Variants in NXPH2 observed in about 807,000 individuals in gnomAD.
NXPH2 encodes the protein neurexophilin-2.
A neutral mutation model predicts 19.8 loss-of-function variants in NXPH2; 5 were observed. The observed-to-expected ratio is 0.25, with a 90% CI of 0.13 to 0.53. The LOEUF (loss-of-function observed/expected upper bound fraction) is 0.53. NXPH2 is among the 20% of genes least tolerant of loss of function. The pLI, the probability that NXPH2 is intolerant of heterozygous loss-of-function variation, is 0.96. For synonymous variants in NXPH2, 154 were observed against 127.4 expected (o/e 1.21, Z -1.41); for missense variants, 289 against 322.8 (o/e 0.90, Z 0.80).
intron 1 of NXPH2, among the ~76,000 whole-genome samples, chr2:138,779,721 G>T (rs1682321073): frequency 1.3e-5 from 2 of 152,172 alleles, no homozygotes; most frequent in African/African-American, 4.8e-5. Context: ...CTGGCTCTGA[G>T]AACGAGGATG....
intron 1 of NXPH2, among the ~76,000 whole-genome samples, chr2:138,675,344 A>G (rs1680470959): frequency 6.6e-6 from 1 of 152,138 alleles, no homozygotes; most frequent in Admixed American, 6.5e-5. Flanking sequence ...CATTACTGAT[A>G]AACTCATAAA....
At position 138,670,929 on chromosome 2, in the gene NXPH2, G is replaced by A. The variant is rs1367360143; in HGVS notation, c.788C>T (p.Ser263Phe). Residue 263 changes from serine (S) to phenylalanine (F), a missense_variant, in exon 2 of 2, where the codon TCT becomes TTT. Coordinates refer to ENST00000272641, the MANE Select transcript of NXPH2 (RefSeq NM_007226.3). ...TCCACCACAGCAGGAAGATCAGCCA[G>A]AAGATAAGTATGGGGTCTCACTATG... ...NYHSETPYLS[S>F]G The A allele has an allele frequency of 6.2e-7, 1 of 1,610,800 alleles. No individual in the cohort carries two copies. The highest frequency in any genetic ancestry group is 1.7e-5 in the Admixed American group (1 of 59,912).
chr2:138,772,512 G>T (rs1682195747), intron 1 of NXPH2, among the ~76,000 whole-genome samples: 1 of 152,150 alleles, frequency 6.6e-6, no homozygotes, highest in Admixed American at 6.5e-5. Flanking sequence ...GGTCAAGCTG[G>T]TCTCGAACTC....
chr2:138,757,069 C>T (rs1681920691), intron 1 of NXPH2, among the ~76,000 whole-genome samples: 1 of 152,098 alleles, frequency 6.6e-6, no homozygotes, highest in African/African-American at 2.4e-5. Flanking sequence ...TGCAAGGCTA[C>T]CTGAGAAAGG....
At chr2:138,713,940 C>G (rs894507185) in intron 1 of NXPH2, among the ~76,000 whole-genome samples, 1 of 148,836 alleles carries the variant, frequency 6.7e-6, no homozygotes, top group Admixed American at 6.8e-5. Flanking sequence ...GCACCACTCA[C>G]AAGTTATGTA....
chr2:138,730,523 C>T (rs749878457), intron 1 of NXPH2, among the ~76,000 whole-genome samples: 7 of 152,006 alleles, frequency 4.6e-5, no homozygotes, highest in Non-Finnish European at 7.4e-5. Flanking sequence ...CTCTTGAGGC[C>T]CTGAGCTGCT....
intron 1 of NXPH2, among the ~76,000 whole-genome samples, chr2:138,717,291 G>A (rs1032528898): frequency 1.6e-4 from 24 of 152,150 alleles, no homozygotes; most frequent in African/African-American, 5.8e-4. Context: ...GAATCACCTG[G>A]AGAACGTTTA....
intron 1 of NXPH2, among the ~76,000 whole-genome samples, chr2:138,681,035 G>T (rs979426022): frequency 1.3e-5 from 2 of 152,158 alleles, no homozygotes; most frequent in Non-Finnish European, 2.9e-5. Context: ...CAGCAGGCCT[G>T]GCCTTTCACC....
rs1286598283 is a variant in NXPH2, at chr2:138,688,616, A to G, written c.52-16951T>C. Among the ~76,000 whole-genome samples, 4 of 152,312 alleles carry G rather than the reference A, an allele frequency of 2.6e-5. No individual in the cohort carries two copies. In the South Asian group the frequency reaches 8.3e-4, roughly 32 times the overall value. On this transcript the variant is annotated intron_variant, in intron 1 of 1. Coordinates refer to ENST00000272641, the MANE Select transcript of NXPH2 (RefSeq NM_007226.3). Reference sequence around the variant, plus strand: ...ATTATATACAAAAGATACCAGTACCATTTATTAATGCATTATATATGAGTT... The same window carrying G: ...ATTATATACAAAAGATACCAGTACCGTTTATTAATGCATTATATATGAGTT...
At chr2:138,763,961 G>A (rs912232314) in intron 1 of NXPH2, among the ~76,000 whole-genome samples, 2 of 152,062 alleles carry the variant, frequency 1.3e-5, no homozygotes, top group African/African-American at 4.8e-5. Context: ...TGCTTACTAT[G>A]AGGATGGCTG....
intron 1 of NXPH2, among the ~76,000 whole-genome samples, chr2:138,677,790 G>C (rs1042300820): frequency 1.3e-5 from 2 of 152,060 alleles, no homozygotes; most frequent in African/African-American, 2.4e-5. Flanking sequence ...TTTTTAAACT[G>C]TATTCGCTAT....
At chr2:138,755,178 T>G (rs896915536) in intron 1 of NXPH2, among the ~76,000 whole-genome samples, 3 of 152,094 alleles carry the variant, frequency 2.0e-5, no homozygotes, top group Admixed American at 2.0e-4. Context: ...GTGCTTTCAC[T>G]GAGAAGTTTT....
intron 1 of NXPH2, among the ~76,000 whole-genome samples, chr2:138,734,749 T>G (rs1233579278): frequency 1.3e-5 from 2 of 152,160 alleles, no homozygotes; most frequent in Non-Finnish European, 2.9e-5. Flanking sequence ...GAAACCAGAA[T>G]GATTCCCAAG....
intron 1 of NXPH2, among the ~76,000 whole-genome samples, chr2:138,736,224 C>A (rs1213391651): frequency 6.6e-6 from 1 of 152,198 alleles, no homozygotes; most frequent in African/African-American, 2.4e-5. Context: ...CTCACACTTC[C>A]CTTCTGCACT....
chr2:138,745,214 G>A (rs891778467), intron 1 of NXPH2, among the ~76,000 whole-genome samples: 10 of 152,172 alleles, frequency 6.6e-5, no homozygotes, highest in African/African-American at 2.4e-4. Flanking sequence ...CAAAGGAGAA[G>A]TAGAGTGAGG....
At chr2:138,677,530 G>A (rs1320481695) in intron 1 of NXPH2, among the ~76,000 whole-genome samples, 1 of 152,192 alleles carries the variant, frequency 6.6e-6, no homozygotes, top group Non-Finnish European at 1.5e-5. Flanking sequence ...GTGGAAGGAA[G>A]GGAGTAGAAG....
At chr2:138,771,741 A>G (rs1682180962) in intron 1 of NXPH2, among the ~76,000 whole-genome samples, 1 of 152,110 alleles carries the variant, frequency 6.6e-6, no homozygotes, top group Admixed American at 6.6e-5. Flanking sequence ...GGAGCTGTCC[A>G]GAGTCGGGGC....
intron 1 of NXPH2, among the ~76,000 whole-genome samples, chr2:138,737,614 G>A (rs1358075185): frequency 6.6e-6 from 1 of 152,142 alleles, no homozygotes; most frequent in Non-Finnish European, 1.5e-5. Context: ...ATTTATTTCA[G>A]AGTTGGTGTG....
chr2:138,745,522 T>G (rs1573975417), intron 1 of NXPH2, among the ~76,000 whole-genome samples: 1 of 152,020 alleles, frequency 6.6e-6, no homozygotes, highest in East Asian at 1.9e-4. Context: ...TTTGCATGTT[T>G]TTCTTTATAG....
Sources: gnomAD v4.1 joint callset for allele counts (sites outside exome capture counted in the v4.1 genomes callset) on GRCh38, gnomAD v4.1.1 for gene constraint, MANE v1.5 for transcripts, NCBI Gene and HGNC (gene_info 2026-07-23, HGNC 2026-07-21) for gene names.